MCCC2: variants seen among roughly 807,000 people sequenced by gnomAD.
The protein encoded by MCCC2 is methylcrotonyl-CoA carboxylase subunit 2.
In MCCC2, 52 loss-of-function variants were observed where a neutral mutation model predicts 77.2. The observed-to-expected ratio is 0.67, with a 90% CI of 0.54 to 0.85. MCCC2 has a LOEUF of 0.85. Ranked by LOEUF, MCCC2 falls within the 40% of genes least tolerant of loss-of-function variation. The pLI is 0.00. For synonymous variants in MCCC2, 253 were observed against 248.4 expected (o/e 1.02, Z -0.18); for missense variants, 682 against 703.2 (o/e 0.97, Z 0.34).
At chr5:71,650,699 T>A (rs529554855) in intron 15 of MCCC2, among the ~76,000 whole-genome samples, 7 of 152,088 alleles carry the variant, frequency 4.6e-5, no homozygotes, top group Non-Finnish European at 7.4e-5. Context: ...CCCAGGCTGG[T>A]GTGCAGTGGC....
chr5:71,646,340 C>T, intron 13 of MCCC2, 63 bp downstream of exon 13: 2 of 1,471,794 alleles, frequency 1.4e-6, no homozygotes, highest in Non-Finnish European at 1.9e-6. Flanking sequence ...CAGTGTGGCT[C>T]ATGTATTGGA....
intron 6 of MCCC2, among the ~76,000 whole-genome samples, chr5:71,607,129 T>C (rs1745714066): frequency 6.6e-6 from 1 of 152,098 alleles, no homozygotes; most frequent in Non-Finnish European, 1.5e-5. Flanking sequence ...TTCTACTGAT[T>C]GGAATAGTTT....
chr5:71,646,178 T>C (rs762351140), intron 12 of MCCC2, 33 bp from the exon 13 acceptor site: 2 of 1,587,812 alleles, frequency 1.3e-6, no homozygotes, highest in Non-Finnish European at 1.7e-6. Flanking sequence ...GTTAATTCCC[T>C]TTTAAAAAGA....
Position 71,652,751 on chromosome 5 carries a change from C to T in MCCC2, c.1571C>T (p.Ala524Val). The change falls in exon 16 of 17, where the codon GCA (alanine) becomes GTA (valine). Residue 524 changes from alanine (A) to valine (V), a missense_variant. Physicochemically the swap from Ala to Val is moderately conservative, Grantham distance 64. Transcript: ENST00000340941. Reference sequence around the variant, plus strand: ...GAAGGAAACCCTTACTATTCCAGCGCAAGGTGGGGGCCAGAACATCACTAA... The same window carrying T: ...GAAGGAAACCCTTACTATTCCAGCGTAAGGTGGGGGCCAGAACATCACTAA... ...EEEGNPYYSS[A>V]RVWDDGIIDP... 6.2e-7 allele frequency: 1 copy of T among 1,613,906 alleles called. No individual in the cohort carries two copies.
intron 1 of MCCC2, among the ~76,000 whole-genome samples, chr5:71,588,201 G>A (rs1232348874): frequency 1.3e-5 from 2 of 151,676 alleles, no homozygotes; most frequent in African/African-American, 4.9e-5. Context: ...CTTGGGAGGC[G>A]GAGGTTGCAG....
chr5:71,647,920 C>T lies in MCCC2; in HGVS notation c.1217-1177C>T, dbSNP rs537002239. On this transcript the variant is annotated intron_variant, in intron 13 of 16. Coordinates refer to ENST00000340941, the MANE Select transcript of MCCC2 (RefSeq NM_022132.5). ...CTCTTCTTTTTGAAGGCAGGATCCC[C>T]TCCAGAGAATAGAGGGATGGTGGGT... is the stretch of plus-strand genomic sequence containing the variant. Among the ~76,000 whole-genome samples the T allele has an allele frequency of 3.8e-4, 57 of 151,730 alleles. 2 individuals are homozygous for T. The South Asian group carries it at 0.011, about 29-fold the overall frequency.
chr5:71,618,190 GT>G (rs1162908580), intron 6 of MCCC2, among the ~76,000 whole-genome samples: 2 of 152,108 alleles, frequency 1.3e-5, no homozygotes, highest in Admixed American at 6.5e-5. Flanking sequence ...TCCCCCAAAA[GT>G]TTATGTGTTG....
intron 7 of MCCC2, among the ~76,000 whole-genome samples, chr5:71,630,845 T>A (rs893109137): frequency 1.3e-5 from 2 of 152,192 alleles, no homozygotes; most frequent in Admixed American, 1.3e-4. Context: ...TATTTTAGAT[T>A]AATGTTCATT....
Position 71,635,018 on chromosome 5 carries a change from T to C in MCCC2, c.879T>C (p.Asn293=), listed in dbSNP as rs753100774. The C allele has an allele frequency of 6.2e-7, 1 of 1,614,164 alleles. No individual in the cohort carries two copies. The highest frequency in any genetic ancestry group is 2.2e-5 in the East Asian group (1 of 44,868). The change falls in exon 9 of 17, where the codon AAT becomes AAC. Residue 293 remains asparagine (N), a synonymous_variant. Transcript: ENST00000340941. ...ALHLTRKVVR[N]LNYQKKLDVT... ...ACTTAACTAGGAAGGTTGTGAGGAA[T>C]CTAAATTATCAGAAGAAATTGGATG...
chr5:71,594,992 G>A (rs1250163549), intron 2 of MCCC2, among the ~76,000 whole-genome samples: 7 of 138,814 alleles, frequency 5.0e-5, no homozygotes, highest in Middle Eastern at 3.5e-3. Context: ...TTGGCCCCCC[G>A]GGTTCAAGCG....
At chr5:71,626,555 A>G in intron 6 of MCCC2, 85 bp from the exon 7 acceptor site, 2 of 1,009,224 alleles carry the variant, frequency 2.0e-6, no homozygotes, top group East Asian at 2.5e-5. Context: ...TGGTCACTGC[A>G]GTGTTTGTGG....
intron 7 of MCCC2, among the ~76,000 whole-genome samples, chr5:71,628,558 G>T (rs1164098430): frequency 6.6e-6 from 1 of 152,158 alleles, no homozygotes; most frequent in Non-Finnish European, 1.5e-5. Flanking sequence ...TAGTTTTTGG[G>T]TGTGGGATAA....
intron 6 of MCCC2, among the ~76,000 whole-genome samples, chr5:71,605,063 G>A (rs1020555864): frequency 4.0e-5 from 4 of 99,670 alleles, no homozygotes; most frequent in East Asian, 6.0e-4. Flanking sequence ...TGTCTTTATA[G>A]CAGCATGATT....
intron 12 of MCCC2, among the ~76,000 whole-genome samples, chr5:71,645,177 C>A (rs1747243389): frequency 6.6e-6 from 1 of 152,072 alleles, no homozygotes; most frequent in Non-Finnish European, 1.5e-5. Context: ...TACAAATAAA[C>A]CCCAGAGGAG....
chr5:71,602,725 T>C (rs1033145011), intron 5 of MCCC2, 92 bp downstream of exon 5: 123 of 1,558,618 alleles, frequency 7.9e-5, no homozygotes, highest in Non-Finnish European at 1.0e-4. Context: ...GGGATGGGTA[T>C]TTTATAAACC....
chr5:71,603,643 G>A (rs1745544828), intron 5 of MCCC2, among the ~76,000 whole-genome samples: 1 of 152,166 alleles, frequency 6.6e-6, no homozygotes. Flanking sequence ...TGTAGGTGCT[G>A]TGCTGGTCTT....
intron 4 of MCCC2, 112 bp from the exon 5 acceptor site, chr5:71,602,394 A>G: frequency 7.5e-7 from 1 of 1,325,794 alleles, no homozygotes; most frequent in Non-Finnish European, 1.1e-6. Flanking sequence ...ATGGATGTTA[A>G]TAGTGATACG....
intron 10 of MCCC2, among the ~76,000 whole-genome samples, chr5:71,638,862 A>G (rs1747021759): frequency 1.3e-5 from 2 of 152,222 alleles, no homozygotes; most frequent in Admixed American, 1.3e-4. Flanking sequence ...AAAAGTAAAA[A>G]TGACTCCTTG....
chr5:71,593,367 G>A (rs1157340247), intron 2 of MCCC2, among the ~76,000 whole-genome samples: 1 of 152,210 alleles, frequency 6.6e-6, no homozygotes, highest in South Asian at 2.1e-4. Context: ...TGCAATTATA[G>A]GCGTGAGCCA....
Sources: gnomAD v4.1 joint callset for allele counts (sites outside exome capture counted in the v4.1 genomes callset) on GRCh38, gnomAD v4.1.1 for gene constraint, MANE v1.5 for transcripts, NCBI Gene and HGNC (gene_info 2026-07-23, HGNC 2026-07-21) for gene names.